Variants in USP24 observed in about 807,000 individuals in gnomAD.
USP24 encodes ubiquitin specific peptidase 24, also known as ubiquitin carboxyl-terminal hydrolase 24.
In USP24, 97 loss-of-function variants were observed where a neutral mutation model predicts 361.6. The ratio of observed to expected loss-of-function variants is 0.27; its 90% CI spans 0.23 to 0.32. The LOEUF (loss-of-function observed/expected upper bound fraction) is 0.32, where lower values mean the gene tolerates loss of function less well. Among genes scored for constraint, USP24 ranks in the 10% least tolerant of loss-of-function variants. The pLI, the probability that USP24 is intolerant of heterozygous loss-of-function variation, is 1.00. For missense variants in USP24, 2,353 were observed against 3,165.6 expected (o/e 0.74, Z 6.16); for synonymous variants, 1,098 against 1,124.6 (o/e 0.98, Z 0.47).
chr1:55,093,297 CT>C (rs1274555619), intron 52 of USP24, among the ~76,000 whole-genome samples: 6 of 152,168 alleles, frequency 3.9e-5, no homozygotes, highest in Admixed American at 3.9e-4. Flanking sequence ...TAATGTAAGA[CT>C]CGATATTTTT....
rs1218404626 is a variant in USP24, at chr1:55,067,256, G to A, written c.*1789C>T. 1 of 152,226 alleles carries A rather than the reference G, an allele frequency of 6.6e-6. No individual in the cohort carries two copies. The highest frequency in any genetic ancestry group is 1.9e-4 in the East Asian group (1 of 5,196). The allele number at this position is 152,226 out of a possible 1,614,324, so 9.4% of individuals were successfully genotyped here. A position where few individuals can be genotyped will look rare whatever the true frequency, so the allele number is the denominator to read the frequency against. ...ATGTCCCACACAATCTCTTGGTGAG[G>A]ATGTGGGCGGAGAGAAGGTGAGAAT... On this transcript the variant is annotated 3_prime_UTR_variant, in exon 68 of 68. Coordinates refer to ENST00000294383, the MANE Select transcript of USP24 (RefSeq NM_015306.3).
At chr1:55,098,997 T>A (rs562638645) in intron 45 of USP24, among the ~76,000 whole-genome samples, 50 of 152,350 alleles carry the variant, frequency 3.3e-4, no homozygotes, top group African/African-American at 1.2e-3. Context: ...TTAGGAAGTC[T>A]GCCACATGGC....
rs754549760 is a variant in USP24 at position 55,124,453 on chromosome 1, T to C, written c.4120+16A>G. 6.2e-7 allele frequency: 1 copy of C among 1,603,564 alleles called. No individual in the cohort carries two copies. Among genetic ancestry groups the C allele is most frequent in the South Asian group, 1.1e-5 (1 of 89,308 alleles). Reference sequence around the variant, plus strand: ...CTTACCCAGTGTTCTCATTACTGTCTCTTTTTAATCAGTACCTGAACTGCT... The same window carrying C: ...CTTACCCAGTGTTCTCATTACTGTCCCTTTTTAATCAGTACCTGAACTGCT... On this transcript the variant is annotated intron_variant, in intron 35 of 67. Transcript: ENST00000294383.
intron 16 of USP24, among the ~76,000 whole-genome samples, chr1:55,151,460 T>C (rs1463020596): frequency 6.6e-6 from 1 of 152,178 alleles, no homozygotes. Flanking sequence ...GGTGTCCTCA[T>C]AGGGTGAAGG....
In USP24 at chr1:55,146,430, T is replaced by C. The variant is rs116526251; in HGVS notation, c.2251-321A>G. Among the ~76,000 whole-genome samples, 61 of 152,300 alleles carry C rather than the reference T, an allele frequency of 4.0e-4. 1 individual carries two copies. The highest frequency in any genetic ancestry group is 1.4e-3 in the African/African-American group (59 of 41,576). ...GAAGCCTTTCGACAAGTCTAGGAAG[T>C]AGTTAATATTATTCTGTCAAATAAG... is the stretch of plus-strand genomic sequence containing the variant. On this transcript the variant is annotated intron_variant, in intron 19 of 67. Coordinates refer to ENST00000294383, the MANE Select transcript of USP24 (RefSeq NM_015306.3).
chr1:55,202,761 GAT>G (rs1239124259), intron 1 of USP24, among the ~76,000 whole-genome samples: 1 of 152,192 alleles, frequency 6.6e-6, no homozygotes, highest in Non-Finnish European at 1.5e-5. Flanking sequence ...AGCAACTGTG[GAT>G]AGACTCAGGC....
intron 49 of USP24, 29 bp downstream of exon 49, chr1:55,096,923 G>A (rs1194168385): frequency 1.2e-6 from 2 of 1,601,686 alleles, no homozygotes; most frequent in East Asian, 4.5e-5. Context: ...GGCAGAAAGT[G>A]AGTAAGTGCT....
chr1:55,108,850 T>G (rs1204151883), intron 39 of USP24, among the ~76,000 whole-genome samples: 1 of 152,354 alleles, frequency 6.6e-6, no homozygotes, highest in East Asian at 1.9e-4. Context: ...TATGTGAGAC[T>G]GTTAGATGGA....
intron 61 of USP24, among the ~76,000 whole-genome samples, 185 bp downstream of exon 61, chr1:55,078,353 T>C (rs1448563300): frequency 1.3e-5 from 2 of 152,096 alleles, no homozygotes; most frequent in African/African-American, 4.8e-5. Flanking sequence ...AAAGAGAGTG[T>C]AGTAATTAAT....
intron 49 of USP24, 150 bp downstream of exon 49, chr1:55,096,802 A>T (rs1645505458): frequency 7.5e-7 from 1 of 1,326,322 alleles, no homozygotes; most frequent in Middle Eastern, 2.4e-4. Context: ...TGAAGGGGTA[A>T]AACCAGTTGC....
At chr1:55,106,868 G>C (rs891196853) in intron 40 of USP24, among the ~76,000 whole-genome samples, 6 of 152,176 alleles carry the variant, frequency 3.9e-5, no homozygotes, top group African/African-American at 1.4e-4. Flanking sequence ...CTGGAGGGCA[G>C]GGGTGGTTAG....
intron 51 of USP24, among the ~76,000 whole-genome samples, chr1:55,094,483 C>T (rs1357616859): frequency 2.6e-5 from 4 of 152,076 alleles, no homozygotes; most frequent in Non-Finnish European, 5.9e-5. Flanking sequence ...CACTCAAAGT[C>T]GTGTAAGAAC....
At chr1:55,153,979 G>A (rs547189080) in intron 15 of USP24, 62 bp from the exon 16 acceptor site, 42 of 1,540,618 alleles carry the variant, frequency 2.7e-5, no homozygotes, top group Non-Finnish European at 3.2e-5. Flanking sequence ...ATAATTTCCC[G>A]ATCTTGGACT....
At chr1:55,124,769 C>T in intron 34 of USP24, 141 bp from the exon 35 acceptor site, 1 of 856,356 alleles carries the variant, frequency 1.2e-6, no homozygotes, top group South Asian at 1.8e-5. Context: ...CTCAAGCTGC[C>T]ATCCTGCTCA....
At chr1:55,088,716 C>A (rs1439211914) in intron 55 of USP24, among the ~76,000 whole-genome samples, 1 of 152,102 alleles carries the variant, frequency 6.6e-6, no homozygotes, top group Non-Finnish European at 1.5e-5. Context: ...ACACCAGAGA[C>A]CACGGCAGTG....
At chr1:55,173,991 T>C (rs940633808) in intron 3 of USP24, among the ~76,000 whole-genome samples, 4 of 152,324 alleles carry the variant, frequency 2.6e-5, no homozygotes, top group South Asian at 2.1e-4. Flanking sequence ...CTAGAAGAGA[T>C]AGGGAAAGGC....
At position 55,098,058 on chromosome 1, in the gene USP24, GCCATGAAAGCTT is replaced by G; in HGVS notation, c.5468_5479del (p.Glu1823_Met1826del). 1 of 1,608,444 alleles carries G rather than the reference GCCATGAAAGCTT, an allele frequency of 6.2e-7. No individual in the cohort carries two copies. The highest frequency in any genetic ancestry group is 8.5e-7 in the Non-Finnish European group (1 of 1,178,304). On this transcript the variant is annotated inframe_deletion, in exon 47 of 68. Transcript: ENST00000294383. ...ACAAGAAGTCACTCCTAGATTGAGA[GCCATGAAAGCTT>G]CTTCACGCTCATATCTGATTAGGAA... is the stretch of plus-strand genomic sequence containing the variant.
In USP24 at chr1:55,066,461, T is replaced by C. The variant is rs951433439; in HGVS notation, c.*2584A>G. The stretch of plus-strand genomic sequence containing the variant: ...TTCTTCCCTAGTGTATCTACTTCCT[T>C]TTGAAATTTTATAAACAAGATTTTA... On this transcript the variant is annotated 3_prime_UTR_variant, in exon 68 of 68. Transcript: ENST00000294383. 3.9e-5 allele frequency: 6 copies of C among 152,212 alleles called. No individual in the cohort carries two copies. Among genetic ancestry groups the C allele is most frequent in the African/African-American group, 1.4e-4 (6 of 41,438 alleles). 9.4% of individuals were successfully genotyped at this position (152,212 alleles called of 1,614,324 possible). A position where few individuals can be genotyped will look rare whatever the true frequency, so the allele number is the denominator to read the frequency against.
chr1:55,125,158 TTA>T (rs770338656), intron 34 of USP24, among the ~76,000 whole-genome samples, 160 bp downstream of exon 34: 7 of 152,184 alleles, frequency 4.6e-5, no homozygotes, highest in Non-Finnish European at 7.3e-5. Flanking sequence ...CTACCTGGAA[TTA>T]TAGTTATTTC....
Sources: gnomAD v4.1 joint callset for allele counts (sites outside exome capture counted in the v4.1 genomes callset) on GRCh38, gnomAD v4.1.1 for gene constraint, MANE v1.5 for transcripts, NCBI Gene and HGNC (gene_info 2026-07-23, HGNC 2026-07-21) for gene names.